RAB30: variants seen among roughly 807,000 people sequenced by gnomAD.
The protein encoded by RAB30 is RAB30, member RAS oncogene family.
A neutral mutation model predicts 25.1 loss-of-function variants in RAB30; 9 were observed. The ratio of observed to expected loss-of-function variants is 0.36; its 90% confidence interval spans 0.22 to 0.63. The LOEUF (loss-of-function observed/expected upper bound fraction) is 0.63. Ranked by LOEUF, RAB30 falls within the 20% of genes least tolerant of loss-of-function variation. The probability of loss-of-function intolerance (pLI) is 0.69; values close to 1 mark genes in which losing one functional copy is unlikely to be tolerated. For missense variants in RAB30, 140 were observed against 243.5 expected, an observed-to-expected ratio of 0.58 and a Z score of 2.83; for synonymous variants, 77 against 86.4, an observed-to-expected ratio of 0.89 and a Z score of 0.60.
intron 1 of RAB30, among the ~76,000 whole-genome samples, chr11:83,022,600 T>C (rs1857606817): frequency 6.6e-6 from 1 of 152,212 alleles, no homozygotes; most frequent in African/African-American, 2.4e-5. Flanking sequence ...TTTGCATTGC[T>C]TGAATTTTTA....
At chr11:83,069,293 C>T (rs1173210417) in intron 1 of RAB30, among the ~76,000 whole-genome samples, 1 of 152,134 alleles carries the variant, frequency 6.6e-6, no homozygotes, top group Non-Finnish European at 1.5e-5. Flanking sequence ...CATAAAAGGT[C>T]TAAGAGGACA....
At chr11:83,001,268 A>G (rs1424518097) in intron 1 of RAB30, among the ~76,000 whole-genome samples, 1 of 152,074 alleles carries the variant, frequency 6.6e-6, no homozygotes, top group Non-Finnish European at 1.5e-5. Context: ...TGGCGCGATC[A>G]TGGATCAAGT....
intron 1 of RAB30, among the ~76,000 whole-genome samples, chr11:83,051,775 TA>T (rs1858363210): frequency 6.6e-6 from 1 of 152,184 alleles, no homozygotes; most frequent in South Asian, 2.1e-4. Context: ...ATGGTTTACC[TA>T]CTAAGATACC....
chr11:82,986,455 T>C (rs144210503), intron 4 of RAB30, among the ~76,000 whole-genome samples: 1 of 152,360 alleles, frequency 6.6e-6, no homozygotes, highest in Non-Finnish European at 1.5e-5. Flanking sequence ...CAAGTAGTAA[T>C]GCTTTGACTC....
In RAB30 at chr11:82,974,699, G is replaced by A. The variant is rs1196586067; in HGVS notation, c.*7466C>T. 1 of 152,114 alleles carries A rather than the reference G, an allele frequency of 6.6e-6. No homozygotes were observed. Among genetic ancestry groups the A allele is most frequent in the African/African-American group, 2.4e-5 (1 of 41,444 alleles). The allele number at this position is 152,114 out of a possible 1,614,324, so 9.4% of individuals were successfully genotyped here. A position where few individuals can be genotyped will look rare whatever the true frequency, so the allele number is the denominator to read the frequency against. Reference sequence around the variant, plus strand: ...TATTAAAGATCCATGTTTCAATGGAGTGATAGGAAATGTGGGGGAGATCAA... The same window carrying A: ...TATTAAAGATCCATGTTTCAATGGAATGATAGGAAATGTGGGGGAGATCAA... On this transcript the variant is annotated 3_prime_UTR_variant, in exon 5 of 5. Transcript: ENST00000527633.
At chr11:82,996,114 A>T (rs1321200958) in intron 2 of RAB30, among the ~76,000 whole-genome samples, 1 of 152,242 alleles carries the variant, frequency 6.6e-6, no homozygotes, top group Admixed American at 6.5e-5. Context: ...TGATTTCACC[A>T]GGCCACGGCT....
In RAB30 at chr11:82,976,765, A is replaced by G. The variant is rs549888318; in HGVS notation, c.*5400T>C. Reference sequence around the variant, plus strand: ...AAAAAAGACCAATGAAGAGCCGTCTATCAGCCTTGCAAGGGTGAAAGTTAT... The same window carrying G: ...AAAAAAGACCAATGAAGAGCCGTCTGTCAGCCTTGCAAGGGTGAAAGTTAT... On this transcript the variant is annotated 3_prime_UTR_variant, in exon 5 of 5. Transcript: ENST00000527633. 3.9e-5 allele frequency: 6 copies of G among 152,340 alleles called. No homozygotes were observed. The highest frequency in any genetic ancestry group is 1.9e-4 in the East Asian group (1 of 5,190). The allele number at this position is 152,340 out of a possible 1,614,324, so 9.4% of individuals were successfully genotyped here.
intron 1 of RAB30, among the ~76,000 whole-genome samples, chr11:83,066,883 A>T (rs564089085): frequency 6.6e-6 from 1 of 152,264 alleles, no homozygotes; most frequent in South Asian, 2.1e-4. Flanking sequence ...TCTTAAAAGC[A>T]TTTTACATTT....
chr11:83,042,390 T>G (rs534564591), intron 1 of RAB30, among the ~76,000 whole-genome samples: 77 of 151,226 alleles, frequency 5.1e-4, no homozygotes, highest in African/African-American at 1.8e-3. Context: ...CCATCTCTAC[T>G]AAAAAAAATA....
chr11:82,988,594 C>T (rs1368145508), intron 3 of RAB30, among the ~76,000 whole-genome samples: 1 of 152,188 alleles, frequency 6.6e-6, no homozygotes, highest in African/African-American at 2.4e-5. Context: ...ACTTTTTCTG[C>T]AGTTATCTAC....
intron 1 of RAB30, among the ~76,000 whole-genome samples, chr11:83,062,069 C>T (rs922993246): frequency 6.6e-6 from 1 of 151,910 alleles, no homozygotes; most frequent in Non-Finnish European, 1.5e-5. Flanking sequence ...CTTCATGAAG[C>T]TTATATTTTC....
At chr11:83,060,549 G>A (rs111892202) in intron 1 of RAB30, among the ~76,000 whole-genome samples, 50 of 152,264 alleles carry the variant, frequency 3.3e-4, no homozygotes, top group African/African-American at 1.1e-3. Context: ...TATGATGCAC[G>A]GGGAGGGATA....
At chr11:83,019,909 T>C (rs1467467507) in intron 1 of RAB30, among the ~76,000 whole-genome samples, 1 of 152,182 alleles carries the variant, frequency 6.6e-6, no homozygotes, top group African/African-American at 2.4e-5. Flanking sequence ...TTCCCCTAAC[T>C]AGAAAATGTG....
chr11:83,010,230 C>T (rs1445924872), intron 1 of RAB30, among the ~76,000 whole-genome samples: 5 of 152,158 alleles, frequency 3.3e-5, no homozygotes, highest in African/African-American at 4.8e-5. Context: ...AAGGAAGGAT[C>T]GCTTGAGGCC....
chr11:83,026,474 ACT>A (rs145143747), intron 1 of RAB30, among the ~76,000 whole-genome samples: 2,913 of 151,884 alleles, frequency 0.019, 89 homozygotes, highest in African/African-American at 0.066. Context: ...CTCTGTCCTC[ACT>A]CTCTCTTGTT....
rs182905001 is a variant in RAB30, at chr11:83,006,127, G to C, written c.-8-8803C>G. 3.9e-5 allele frequency among the ~76,000 whole-genome samples: 6 copies of C among 152,254 alleles called. No individual in the cohort carries two copies. The East Asian group carries it at 1.2e-3, about 29-fold the overall frequency. Reference sequence around the variant, plus strand: ...GAAATGGGGCACTTGTATACTACTGGTGGGAGGTAAATCAATGCAACCTCT... The same window carrying C: ...GAAATGGGGCACTTGTATACTACTGCTGGGAGGTAAATCAATGCAACCTCT... On this transcript the variant is annotated intron_variant, in intron 1 of 4. Coordinates refer to ENST00000527633, the MANE Select transcript of RAB30 (RefSeq NM_001286060.2).
At chr11:83,052,112 C>T (rs1485110977) in intron 1 of RAB30, among the ~76,000 whole-genome samples, 1 of 152,176 alleles carries the variant, frequency 6.6e-6, no homozygotes, top group Non-Finnish European at 1.5e-5. Context: ...CAGAGCAGGC[C>T]TCCTGCTCAA....
intron 1 of RAB30, chr11:83,060,208 TA>T (rs35107777): frequency 1.3e-3 from 184 of 136,690 alleles, no homozygotes; most frequent in Non-Finnish European, 1.1e-3. Flanking sequence ...CTCTGTCTCA[TA>T]AAAAAAAAAA....
chr11:83,055,845 G>C (rs1858448308), intron 1 of RAB30, among the ~76,000 whole-genome samples: 1 of 152,218 alleles, frequency 6.6e-6, no homozygotes, highest in African/African-American at 2.4e-5. Flanking sequence ...AAGGGCACAA[G>C]AGTAGAAAAG....
Sources: gnomAD v4.1 joint callset for allele counts (sites outside exome capture counted in the v4.1 genomes callset) on GRCh38, gnomAD v4.1.1 for gene constraint, MANE v1.5 for transcripts, NCBI Gene and HGNC (gene_info 2026-07-23, HGNC 2026-07-21) for gene names.